Variants in MDFIC observed in about 807,000 individuals in gnomAD.
The protein encoded by MDFIC is MyoD family inhibitor domain containing.
In MDFIC, 17 loss-of-function variants were observed where a neutral mutation model predicts 23.2. That is an observed-to-expected ratio of 0.73 (90% confidence interval 0.50 to 1.10). The LOEUF (loss-of-function observed/expected upper bound fraction) is 1.10. MDFIC is among the 50% of genes least tolerant of loss of function. The pLI is 0.00. For synonymous variants in MDFIC, 120 were observed against 115.2 expected (o/e 1.04, Z -0.27); for missense variants, 356 against 316.6 (o/e 1.12, Z -0.95).
intron 3 of MDFIC, among the ~76,000 whole-genome samples, chr7:114,969,413 C>T (rs1793162052): frequency 6.6e-6 from 1 of 152,064 alleles, no homozygotes; most frequent in African/African-American, 2.4e-5. Context: ...ATACAAGGCT[C>T]TTTGTCAGCA....
At chr7:114,996,579 G>T (rs1324243479) in intron 4 of MDFIC, among the ~76,000 whole-genome samples, 1 of 152,210 alleles carries the variant, frequency 6.6e-6, no homozygotes, top group Non-Finnish European at 1.5e-5. Context: ...CAAAGGAAAG[G>T]TCTGCAGCTT....
intron 3 of MDFIC, among the ~76,000 whole-genome samples, chr7:114,971,971 C>T (rs1319076695): frequency 6.6e-6 from 1 of 151,464 alleles, no homozygotes; most frequent in Non-Finnish European, 1.5e-5. Flanking sequence ...AATAAAAAAA[C>T]AAAAGACAAA....
chr7:114,956,090 A>G (rs931608353), intron 3 of MDFIC, among the ~76,000 whole-genome samples: 2 of 152,094 alleles, frequency 1.3e-5, no homozygotes, highest in Non-Finnish European at 2.9e-5. Flanking sequence ...GTGGTCCTCT[A>G]GAGAGTGTTA....
rs528693709 is a variant in MDFIC, at chr7:115,005,593, A to G, written c.494-10095A>G. The stretch of plus-strand genomic sequence containing the variant: ...TTTTAATTTTACCTTATTTTCCCCA[A>G]TTTAAAGTAATAATACACTAGGCTA... On this transcript the variant is annotated intron_variant, in intron 4 of 4. Transcript: ENST00000393486. Among the ~76,000 whole-genome samples, 91 of 152,312 alleles carry G rather than the reference A, an allele frequency of 6.0e-4. 1 individual carries two copies. The highest frequency in any genetic ancestry group is 1.9e-3 in the African/African-American group (78 of 41,566).
Position 114,959,662 on chromosome 7 carries a change from A to G in MDFIC, c.217+17265A>G, listed in dbSNP as rs546918940. Among the ~76,000 whole-genome samples, 4 of 152,212 alleles carry G rather than the reference A, an allele frequency of 2.6e-5. No homozygotes were observed. The South Asian group carries it at 8.3e-4, about 32-fold the overall frequency. On this transcript the variant is annotated intron_variant, in intron 3 of 4. Coordinates refer to ENST00000393486, the MANE Select transcript of MDFIC (RefSeq NM_001166345.3). ...TCCACTCTAGTGTGCCTTGGGAAATAACTGCTGAAATTTCACACACATAAT... is the reference window on the plus strand; with the variant it reads ...TCCACTCTAGTGTGCCTTGGGAAATGACTGCTGAAATTTCACACACATAAT...
intron 4 of MDFIC, among the ~76,000 whole-genome samples, chr7:115,007,121 G>C (rs1340366019): frequency 1.3e-5 from 2 of 152,134 alleles, no homozygotes; most frequent in African/African-American, 4.8e-5. Flanking sequence ...TCAAGTGTTT[G>C]AGCTGTGGTC....
At chr7:114,945,622 G>A (rs765629494) in intron 3 of MDFIC, among the ~76,000 whole-genome samples, 8 of 152,108 alleles carry the variant, frequency 5.3e-5, no homozygotes, top group Non-Finnish European at 1.0e-4. Context: ...AAACTCATAT[G>A]GAATCAAACA....
At chr7:114,938,474 C>A (rs530264981) in intron 2 of MDFIC, among the ~76,000 whole-genome samples, 1 of 152,144 alleles carries the variant, frequency 6.6e-6, no homozygotes, top group South Asian at 2.1e-4. Flanking sequence ...AATAGTGCCC[C>A]TCAAGTCTGG....
intron 3 of MDFIC, among the ~76,000 whole-genome samples, chr7:114,954,047 C>A (rs1792834979): frequency 6.6e-6 from 1 of 152,204 alleles, no homozygotes; most frequent in Admixed American, 6.5e-5. Context: ...ATTTCCCAGT[C>A]TCAGACTGAT....
intron 3 of MDFIC, among the ~76,000 whole-genome samples, chr7:114,950,111 A>G (rs533491963): frequency 6.6e-5 from 10 of 152,196 alleles, no homozygotes; most frequent in Non-Finnish European, 1.5e-4. Flanking sequence ...TAGTTGGGCT[A>G]TATTTTAGGA....
chr7:114,970,311 C>G (rs760619008), intron 3 of MDFIC, among the ~76,000 whole-genome samples: 2 of 152,188 alleles, frequency 1.3e-5, no homozygotes, highest in South Asian at 2.1e-4. Flanking sequence ...TAGGGTGGAA[C>G]AGTCATAAGC....
intron 4 of MDFIC, among the ~76,000 whole-genome samples, chr7:114,994,336 T>G (rs1791264827): frequency 6.6e-6 from 1 of 152,196 alleles, no homozygotes; most frequent in Non-Finnish European, 1.5e-5. Flanking sequence ...ATTGGAGCAT[T>G]TAGCCCATTT....
At chr7:114,985,500 CT>C (rs894574906) in intron 4 of MDFIC, among the ~76,000 whole-genome samples, 15 of 151,432 alleles carry the variant, frequency 9.9e-5, no homozygotes, top group Admixed American at 3.3e-4. Context: ...GTGTGCTCTT[CT>C]TTTTGTTTGT....
At chr7:114,956,112 G>A (rs1489282684) in intron 3 of MDFIC, among the ~76,000 whole-genome samples, 1 of 152,106 alleles carries the variant, frequency 6.6e-6, no homozygotes, top group African/African-American at 2.4e-5. Flanking sequence ...AATCATAGGA[G>A]AGGAGACAGT....
chr7:114,939,019 T>C (rs904535434), intron 2 of MDFIC, among the ~76,000 whole-genome samples: 11 of 152,216 alleles, frequency 7.2e-5, no homozygotes, highest in African/African-American at 2.7e-4. Flanking sequence ...TTGGATATCA[T>C]GATCCCCATC....
At chr7:114,931,150 C>A (rs1012968590) in intron 2 of MDFIC, among the ~76,000 whole-genome samples, 1 of 152,118 alleles carries the variant, frequency 6.6e-6, no homozygotes, top group Non-Finnish European at 1.5e-5. Context: ...TTTACATTAG[C>A]CTACATGTCC....
At chr7:115,010,759 C>A (rs1791667273) in intron 4 of MDFIC, among the ~76,000 whole-genome samples, 1 of 152,136 alleles carries the variant, frequency 6.6e-6, no homozygotes, top group African/African-American at 2.4e-5. Context: ...CATGTAACTG[C>A]AGTCCTTAAC....
chr7:114,989,482 T>A (rs1238326996), intron 4 of MDFIC, among the ~76,000 whole-genome samples: 1 of 152,142 alleles, frequency 6.6e-6, no homozygotes, highest in Non-Finnish European at 1.5e-5. Context: ...TATGTTTACA[T>A]TCAGCTGGAA....
At chr7:114,977,846 A>G (rs1369148287) in intron 3 of MDFIC, among the ~76,000 whole-genome samples, 2 of 149,248 alleles carry the variant, frequency 1.3e-5, no homozygotes, top group African/African-American at 2.4e-5. Context: ...AGTATACTAT[A>G]CCCAAATATT....
Sources: allele counts gnomAD v4.1 joint callset (sites outside exome capture counted in the v4.1 genomes callset), GRCh38; gene constraint gnomAD v4.1.1; transcripts MANE v1.5; gene names NCBI Gene and HGNC (gene_info 2026-07-23, HGNC 2026-07-21).